EPCAM: variants seen among roughly 807,000 people sequenced by gnomAD.
The protein encoded by EPCAM is epithelial cell adhesion molecule, also known as adenocarcinoma-associated antigen.
EPCAM carries 39 observed loss-of-function variants against 40.0 expected under a neutral mutation model. The observed-to-expected ratio is 0.98, with a 90% CI of 0.76 to 1.27. The LOEUF is 1.27. EPCAM is among the 50% of genes most tolerant of loss of function. The probability of loss-of-function intolerance (pLI) is 0.00; values close to 1 mark genes in which losing one functional copy is unlikely to be tolerated. For missense variants in EPCAM, 503 were observed against 381.2 expected (o/e 1.32, Z -2.66); for synonymous variants, 168 against 132.3 (o/e 1.27, Z -1.85).
chr2:47,373,787 G>A (rs775447377), intron 2 of EPCAM, 21 bp from the exon 3 acceptor site: 11 of 1,613,684 alleles, frequency 6.8e-6, no homozygotes, highest in African/African-American at 6.7e-5. Flanking sequence ...TTTCAGTTTG[G>A]CATTAAGGTT....
At chr2:47,373,753 C>A (rs2103746718) in intron 2 of EPCAM, 55 bp from the exon 3 acceptor site, 1 of 1,597,868 alleles carries the variant, frequency 6.3e-7, no homozygotes, top group South Asian at 1.1e-5. Flanking sequence ...TTTTTTTTTT[C>A]CCGTAATCAT....
At chr2:47,379,176 T>C (rs1006550069) in intron 6 of EPCAM, 122 bp downstream of exon 6, 9 of 687,792 alleles carry the variant, frequency 1.3e-5, no homozygotes, top group African/African-American at 8.9e-5. Context: ...GCTGCTGCCG[T>C]TAATTTTGTC....
chr2:47,374,812 T>C (rs1671379285), intron 3 of EPCAM, among the ~76,000 whole-genome samples: 2 of 152,062 alleles, frequency 1.3e-5, no homozygotes, highest in South Asian at 4.1e-4. Flanking sequence ...CTAATTTTTG[T>C]ATTTTAGTAG....
At position 47,386,856 on chromosome 2, in the gene EPCAM, A is replaced by G. The variant is rs1265167306; in HGVS notation, c.*243A>G. ...ATGTAAAATCCAGAACTTGGACTCCATCGTTAAAATTATTTATGTGTAACA... is the reference window on the plus strand; with the variant it reads ...ATGTAAAATCCAGAACTTGGACTCCGTCGTTAAAATTATTTATGTGTAACA... On this transcript the variant is annotated 3_prime_UTR_variant, in exon 9 of 9. Transcript: ENST00000263735. 1.4e-5 allele frequency: 5 copies of G among 369,498 alleles called. No individual in the cohort carries two copies. In the Admixed American group the frequency reaches 1.7e-4, roughly 12 times the overall value. 22.9% of individuals were successfully genotyped at this position (369,498 alleles called of 1,614,324 possible). A position where few individuals can be genotyped will look rare whatever the true frequency, so the allele number is the denominator to read the frequency against.
intron 5 of EPCAM, among the ~76,000 whole-genome samples, chr2:47,378,250 C>T (rs1361575941): frequency 6.6e-6 from 1 of 151,290 alleles, no homozygotes; most frequent in African/African-American, 2.4e-5. Context: ...AACAAAAAAA[C>T]AACATGGAAA....
intron 8 of EPCAM, 106 bp downstream of exon 8, chr2:47,385,316 T>C (rs1671715439): frequency 1.1e-6 from 1 of 920,388 alleles, no homozygotes; most frequent in Non-Finnish European, 1.8e-6. Context: ...GGAGTCCCTT[T>C]ATACTGTTGT....
intron 7 of EPCAM, among the ~76,000 whole-genome samples, chr2:47,382,122 A>T (rs1465596847): frequency 1.1e-4 from 17 of 152,168 alleles, no homozygotes; most frequent in African/African-American, 3.4e-4. Flanking sequence ...TGGCAAAGAA[A>T]CTGTAAAGTA....
intron 3 of EPCAM, among the ~76,000 whole-genome samples, chr2:47,374,798 C>T (rs1324577003): frequency 6.6e-6 from 1 of 152,048 alleles, no homozygotes; most frequent in Non-Finnish European, 1.5e-5. Context: ...TATACCACAC[C>T]TGACTAATTT....
chr2:47,372,022 C>G (rs937879288), intron 1 of EPCAM, among the ~76,000 whole-genome samples: 7 of 151,992 alleles, frequency 4.6e-5, no homozygotes, highest in Non-Finnish European at 8.8e-5. Flanking sequence ...GATAGTCTTG[C>G]CTATTCGAAG....
At chr2:47,376,673 G>A (rs1671436263) in intron 4 of EPCAM, among the ~76,000 whole-genome samples, 1 of 152,180 alleles carries the variant, frequency 6.6e-6, no homozygotes, top group Non-Finnish European at 1.5e-5. Flanking sequence ...ATGTCAGCTT[G>A]TCCCTTTACT....
chr2:47,378,456 C>T (rs969741538), intron 5 of EPCAM, among the ~76,000 whole-genome samples: 4 of 151,874 alleles, frequency 2.6e-5, no homozygotes, highest in Admixed American at 6.6e-5. Flanking sequence ...CAATGTGTCA[C>T]CACGCCTGGC....
In EPCAM at chr2:47,375,229, T is replaced by C. The variant is rs764994085; in HGVS notation, c.426-5T>C. 2 of 1,599,136 alleles carry C rather than the reference T, an allele frequency of 1.3e-6. No individual in the cohort carries two copies. Among genetic ancestry groups the C allele is most frequent in the Non-Finnish European group, 1.7e-6 (2 of 1,166,772 alleles). ...GTCAACTGACATTGTCTTTTTACTT[T>C]ATAGCTGGATCATCATTGAACTAAA... is the stretch of plus-strand genomic sequence containing the variant. On this transcript the variant is annotated splice_region_variant and splice_polypyrimidine_tract_variant and intron_variant, in intron 3 of 8. Transcript: ENST00000263735.
At chr2:47,382,800 G>A (rs1671627298) in intron 7 of EPCAM, among the ~76,000 whole-genome samples, 1 of 152,194 alleles carries the variant, frequency 6.6e-6, no homozygotes, top group African/African-American at 2.4e-5. Flanking sequence ...TGTGAATGGT[G>A]AATGAGTTCG....
intron 7 of EPCAM, among the ~76,000 whole-genome samples, chr2:47,383,736 G>A (rs1205457382): frequency 7.4e-6 from 1 of 135,422 alleles, no homozygotes; most frequent in African/African-American, 2.8e-5. Context: ...CCAGGTTCAA[G>A]CCATTTTCTT....
chr2:47,378,124 G>T (rs1035226323), intron 5 of EPCAM, among the ~76,000 whole-genome samples: 6 of 151,844 alleles, frequency 4.0e-5, no homozygotes, highest in Admixed American at 2.6e-4. Flanking sequence ...CCAGCTACTC[G>T]GGAGGCTTGA....
chr2:47,383,671 G>C (rs1159864233), intron 7 of EPCAM, among the ~76,000 whole-genome samples: 2 of 98,888 alleles, frequency 2.0e-5, no homozygotes, highest in East Asian at 6.0e-4. Flanking sequence ...GTCTTGCTCT[G>C]TTGCCCAGGC....
rs770367836 is a variant in EPCAM at position 47,373,858 on chromosome 2, G to T, written c.235G>T (p.Gly79Trp). The T allele has an allele frequency of 1.2e-6, 2 of 1,614,016 alleles. No homozygotes were observed. The highest frequency in any genetic ancestry group is 1.1e-5 in the South Asian group (1 of 91,074). The stretch of plus-strand genomic sequence containing the variant: ...GGCAGAAATGAATGGCTCAAAACTT[G>T]GGAGAAGAGCAAAACCTGAAGGGGC... ...MKAEMNGSKLGRRAKPEGALQ... is the reference protein window; with the variant it reads ...MKAEMNGSKLWRRAKPEGALQ... The change falls in exon 3 of 9, where the codon GGG becomes TGG. Residue 79 changes from glycine to tryptophan, a missense_variant. By Grantham distance (184) the Gly-to-Trp change is radical. Coordinates refer to ENST00000263735, the MANE Select transcript of EPCAM (RefSeq NM_002354.3).
At chr2:47,381,392 C>CAAAAA (rs370875469) in intron 7 of EPCAM, among the ~76,000 whole-genome samples, 12 of 74,302 alleles carry the variant, frequency 1.6e-4, no homozygotes, top group South Asian at 4.9e-4. Context: ...AACTCCGTCT[C>CAAAAA]AAAAAAAAAA....
chr2:47,385,557 C>A (rs1022731776), intron 8 of EPCAM, among the ~76,000 whole-genome samples: 1 of 152,116 alleles, frequency 6.6e-6, no homozygotes, highest in Non-Finnish European at 1.5e-5. Context: ...TATCTCTATG[C>A]CAGTGAAATA....
Sources: gnomAD v4.1 joint callset for allele counts (sites outside exome capture counted in the v4.1 genomes callset) on GRCh38, gnomAD v4.1.1 for gene constraint, MANE v1.5 for transcripts, NCBI Gene and HGNC (gene_info 2026-07-23, HGNC 2026-07-21) for gene names.